RHBDF2: variants seen among roughly 807,000 people sequenced by gnomAD.
RHBDF2 encodes the protein inactive rhomboid protein 2.
Under a neutral mutation model 95.2 loss-of-function variants are expected in RHBDF2, and 38 were observed. The ratio of observed to expected loss-of-function variants is 0.40; its 90% CI spans 0.31 to 0.52. The LOEUF (loss-of-function observed/expected upper bound fraction) is 0.52, where lower values mean the gene tolerates loss of function less well. RHBDF2 is among the 20% of genes least tolerant of loss of function. The probability of loss-of-function intolerance (pLI) is 0.56; values close to 1 mark genes in which losing one functional copy is unlikely to be tolerated. For synonymous variants in RHBDF2, 442 were observed against 462.0 expected, an observed-to-expected ratio of 0.96 and a Z score of 0.55; for missense variants, 863 against 1,137.7, an observed-to-expected ratio of 0.76 and a Z score of 3.47.
chr17:76,472,387 GCGC>G, intron 18 of RHBDF2: 1 of 570,384 alleles, frequency 1.8e-6, no homozygotes. Context: ...ACTGCCGACG[GCGC>G]ACGGAGGCCA....
chr17:76,496,479 C>T (rs540923214), intron 1 of RHBDF2, among the ~76,000 whole-genome samples: 1 of 152,210 alleles, frequency 6.6e-6, no homozygotes, highest in Non-Finnish European at 1.5e-5. Flanking sequence ...AGAAAAAGAA[C>T]GGGTGAGGAC....
chr17:76,474,705 G>C (rs1446668311), intron 11 of RHBDF2, 25 bp downstream of exon 11: 1 of 1,614,172 alleles, frequency 6.2e-7, no homozygotes, highest in Non-Finnish European at 8.5e-7. Context: ...TGGCTCAGAT[G>C]ATGTCCCCCA....
At chr17:76,491,664 C>G (rs2074304330) in intron 1 of RHBDF2, among the ~76,000 whole-genome samples, 1 of 152,244 alleles carries the variant, frequency 6.6e-6, no homozygotes, top group Non-Finnish European at 1.5e-5. Context: ...GAAGCCTAAA[C>G]ATGGAGTATG....
At chr17:76,487,132 AT>A (rs1202521513) in intron 2 of RHBDF2, among the ~76,000 whole-genome samples, 1 of 146,932 alleles carries the variant, frequency 6.8e-6, no homozygotes, top group African/African-American at 2.5e-5. Context: ...CTAATTTTGT[AT>A]TTTTTAGTAG....
Position 76,481,283 on chromosome 17 carries a change from C to T in RHBDF2, c.150+92G>A, listed in dbSNP as rs375676142. On this transcript the variant is annotated intron_variant, in intron 3 of 18. Coordinates refer to ENST00000675367, the MANE Select transcript of RHBDF2 (RefSeq NM_001005498.4). ...ACAGCAGCTGTGGCTCAGGAAGGAG[C>T]CCCTCTGGGAAGTGAAACTGACCAG... 22 of 1,407,652 alleles carry T rather than the reference C, an allele frequency of 1.6e-5. No homozygotes were observed. In the African/African-American group the frequency reaches 2.3e-4, roughly 15 times the overall value. 87.2% of individuals were successfully genotyped at this position (1,407,652 alleles called of 1,614,324 possible). A position where few individuals can be genotyped will look rare whatever the true frequency, so the allele number is the denominator to read the frequency against.
chr17:76,498,238 C>T (rs1008893788), intron 1 of RHBDF2, among the ~76,000 whole-genome samples: 6 of 152,096 alleles, frequency 3.9e-5, no homozygotes, highest in Admixed American at 6.6e-5. Context: ...CAGGCGCAGA[C>T]GTCCCCGCCA....
chr17:76,495,624 G>A (rs1202728491), intron 1 of RHBDF2, among the ~76,000 whole-genome samples: 1 of 152,164 alleles, frequency 6.6e-6, no homozygotes, highest in Non-Finnish European at 1.5e-5. Context: ...ACCTTGCCCA[G>A]TGCCACCCAG....
intron 10 of RHBDF2, 64 bp downstream of exon 10, chr17:76,474,966 C>G: frequency 6.8e-7 from 1 of 1,465,476 alleles, no homozygotes; most frequent in Non-Finnish European, 9.4e-7. Flanking sequence ...GGATTAGGTA[C>G]CCACGACACT....
At chr17:76,497,959 G>A (rs1054479144) in intron 1 of RHBDF2, among the ~76,000 whole-genome samples, 10 of 152,162 alleles carry the variant, frequency 6.6e-5, no homozygotes, top group Non-Finnish European at 1.2e-4. Context: ...TGCAGGAGCC[G>A]GGCACTGGGG....
chr17:76,492,774 G>A (rs150582835), intron 1 of RHBDF2, among the ~76,000 whole-genome samples: 4,538 of 152,306 alleles, frequency 0.03, 99 homozygotes, highest in Admixed American at 0.064. Context: ...CAGGGAGAGC[G>A]TGACAGGTGC....
chr17:76,479,639 G>T, intron 4 of RHBDF2, 94 bp downstream of exon 4: 1 of 936,862 alleles, frequency 1.1e-6, no homozygotes, highest in Non-Finnish European at 1.7e-6. Context: ...CTTCCAGAGA[G>T]GGGACGCAGG....
At chr17:76,485,582 A>G (rs2074104261) in intron 2 of RHBDF2, among the ~76,000 whole-genome samples, 1 of 152,110 alleles carries the variant, frequency 6.6e-6, no homozygotes, top group South Asian at 2.1e-4. Flanking sequence ...CGACAGAGTG[A>G]GACTCCGTCT....
chr17:76,479,902 TC>T, intron 3 of RHBDF2, 48 bp from the exon 4 acceptor site: 1 of 1,604,498 alleles, frequency 6.2e-7, no homozygotes, highest in Non-Finnish European at 8.5e-7. Flanking sequence ...GCAGCCCAGG[TC>T]CTGGGCTGGC....
rs774979761 is a variant in RHBDF2 at position 76,478,768 on chromosome 17, G to A, written c.672+38C>T. 30 of 1,552,954 alleles carry A rather than the reference G, an allele frequency of 1.9e-5. No homozygotes were observed. The East Asian group carries it at 2.0e-4, about 11-fold the overall frequency. ...AAGGGAGGGGCAAGGAAGGGAGGCC[G>A]GGCAGAGGTGGGGGCCCTGCAGGAG... is the stretch of plus-strand genomic sequence containing the variant. On this transcript the variant is annotated intron_variant, in intron 6 of 18. Transcript: ENST00000675367.
At chr17:76,474,952 G>C in intron 10 of RHBDF2, 78 bp downstream of exon 10, 4 of 1,454,942 alleles carry the variant, frequency 2.7e-6, no homozygotes, top group Non-Finnish European at 2.8e-6. Flanking sequence ...TGTTGCGGTG[G>C]GAGGGATTAG....
In RHBDF2 at chr17:76,471,376, C is replaced by T; in HGVS notation, c.*257G>A. 2 of 508,108 alleles carry T rather than the reference C, an allele frequency of 3.9e-6. No individual in the cohort carries two copies. Among genetic ancestry groups the T allele is most frequent in the East Asian group, 3.2e-5 (1 of 31,024 alleles). The allele number at this position is 508,108 out of a possible 1,614,324, so 31.5% of individuals were successfully genotyped here. A position where few individuals can be genotyped will look rare whatever the true frequency, so the allele number is the denominator to read the frequency against. On this transcript the variant is annotated 3_prime_UTR_variant, in exon 19 of 19. Coordinates refer to ENST00000675367, the MANE Select transcript of RHBDF2 (RefSeq NM_001005498.4). Reference sequence around the variant, plus strand: ...GGATATTAGGAACTGAGACCCAAGACTCAGAGAGGCAGGTGCCTTGGGTGT... The same window carrying T: ...GGATATTAGGAACTGAGACCCAAGATTCAGAGAGGCAGGTGCCTTGGGTGT...
rs188567678 is a variant in RHBDF2 at position 76,500,214 on chromosome 17, G to C, written c.-220+1139C>G. On this transcript the variant is annotated intron_variant, in intron 1 of 18. Coordinates refer to ENST00000675367, the MANE Select transcript of RHBDF2 (RefSeq NM_001005498.4). ...GGGCTGGATAATTCCTCGTTATGTGGGCTGTTCCGTGCCCTGAAGATGTCT... is the reference window on the plus strand; with the variant it reads ...GGGCTGGATAATTCCTCGTTATGTGCGCTGTTCCGTGCCCTGAAGATGTCT... Among the ~76,000 whole-genome samples the C allele has an allele frequency of 7.2e-4, 110 of 152,164 alleles. 1 individual carries two copies. Among genetic ancestry groups the C allele is most frequent in the Non-Finnish European group, 8.7e-4 (59 of 67,982 alleles).
At chr17:76,477,503 G>A in intron 7 of RHBDF2, 154 bp downstream of exon 7, 1 of 1,083,678 alleles carries the variant, frequency 9.2e-7, no homozygotes, top group Non-Finnish European at 1.3e-6. Context: ...ACAGAAAGAT[G>A]GGGGCCCAGC....
chr17:76,479,850 T>C lies in RHBDF2; in HGVS notation c.155A>G (p.Lys52Arg), dbSNP rs765724768. ...GEQDSMLPERKNPAYLKSVSL... is the reference protein window; with the variant it reads ...GEQDSMLPERRNPAYLKSVSL... ...GACGCTCTTCAAGTAGGCTGGGTTC[T>C]TCCTCTTGGGGAGGAAGGAGGGAGG... is the stretch of plus-strand genomic sequence containing the variant. The change falls in exon 4 of 19, where the codon AAG (lysine) becomes AGG (arginine). Residue 52 changes from lysine to arginine, a missense_variant. Physicochemically the swap from Lys to Arg is conservative, Grantham distance 26. Transcript: ENST00000675367. 1.1e-5 allele frequency: 18 copies of C among 1,612,474 alleles called. No individual in the cohort carries two copies. The highest frequency in any genetic ancestry group is 1.4e-5 in the Non-Finnish European group (17 of 1,179,564).
Sources: allele counts gnomAD v4.1 joint callset (sites outside exome capture counted in the v4.1 genomes callset), GRCh38; gene constraint gnomAD v4.1.1; transcripts MANE v1.5; gene names NCBI Gene and HGNC (gene_info 2026-07-23, HGNC 2026-07-21).